NBEA: variants seen among roughly 807,000 people sequenced by gnomAD.
The protein encoded by NBEA is lysosomal-trafficking regulator 2.
A neutral mutation model predicts 343.4 loss-of-function variants in NBEA; 44 were observed. The ratio of observed to expected loss-of-function variants is 0.13; its 90% confidence interval spans 0.10 to 0.16. The LOEUF (loss-of-function observed/expected upper bound fraction) is 0.16, where lower values mean the gene tolerates loss of function less well. Among genes scored for constraint, NBEA ranks in the 10% least tolerant of loss-of-function variants. The pLI, the probability that NBEA is intolerant of heterozygous loss-of-function variation, is 1.00. For missense variants in NBEA, 2,555 were observed against 3,631.3 expected, an observed-to-expected ratio of 0.70 and a Z score of 7.62; for synonymous variants, 1,175 against 1,238.7, an observed-to-expected ratio of 0.95 and a Z score of 1.08.
intron 1 of NBEA, among the ~76,000 whole-genome samples, chr13:35,009,627 C>A (rs1022114802): frequency 1.3e-5 from 2 of 152,080 alleles, no homozygotes; most frequent in African/African-American, 4.8e-5. Context: ...TTTATTAGAA[C>A]AGAGTTGGGA....
intron 38 of NBEA, among the ~76,000 whole-genome samples, chr13:35,357,626 A>G (rs2040564752): frequency 6.6e-6 from 1 of 152,152 alleles, no homozygotes; most frequent in African/African-American, 2.4e-5. Flanking sequence ...AAAGGAAAGG[A>G]TATCATTTTT....
chr13:35,019,912 C>T (rs181865853), intron 1 of NBEA, among the ~76,000 whole-genome samples: 3 of 152,284 alleles, frequency 2.0e-5, no homozygotes, highest in Non-Finnish European at 4.4e-5. Context: ...GCCGCTCCAG[C>T]TGTCCCACAC....
intron 34 of NBEA, among the ~76,000 whole-genome samples, chr13:35,280,695 G>C (rs545940766): frequency 6.6e-6 from 1 of 151,954 alleles, no homozygotes; most frequent in African/African-American, 2.4e-5. Flanking sequence ...CTGGCCTATG[G>C]TAAGTATGCA....
At chr13:34,949,747 C>A (rs2059293813) in intron 1 of NBEA, among the ~76,000 whole-genome samples, 1 of 151,964 alleles carries the variant, frequency 6.6e-6, no homozygotes, top group Non-Finnish European at 1.5e-5. Context: ...TAGTTAAATT[C>A]ATTATATAGC....
intron 33 of NBEA, among the ~76,000 whole-genome samples, chr13:35,216,966 A>G (rs2074098565): frequency 6.6e-6 from 1 of 151,940 alleles, no homozygotes; most frequent in African/African-American, 2.4e-5. Context: ...TTTATAAGAA[A>G]CTGCAAAACT....
chr13:35,096,658 G>T (rs2065346970), intron 10 of NBEA, among the ~76,000 whole-genome samples: 1 of 151,818 alleles, frequency 6.6e-6, no homozygotes, highest in Non-Finnish European at 1.5e-5. Context: ...CACTAACTTT[G>T]GTGTATGTAA....
chr13:35,113,041 C>T (rs1022449944), intron 13 of NBEA, among the ~76,000 whole-genome samples: 4 of 152,178 alleles, frequency 2.6e-5, no homozygotes, highest in East Asian at 3.9e-4. Context: ...TGTTGAGGAT[C>T]GTATGTTGTG....
chr13:34,978,515 C>G (rs893428619), intron 1 of NBEA, among the ~76,000 whole-genome samples: 3 of 152,148 alleles, frequency 2.0e-5, no homozygotes, highest in African/African-American at 2.4e-5. Flanking sequence ...GTGAAAACAT[C>G]TAATATTCTG....
chr13:35,313,265 A>G (rs2037491184), intron 36 of NBEA, among the ~76,000 whole-genome samples: 1 of 152,118 alleles, frequency 6.6e-6, no homozygotes, highest in South Asian at 2.1e-4. Context: ...TAATAACATC[A>G]TCTCAAATGA....
chr13:35,148,750 A>C (rs1411146521), intron 18 of NBEA, among the ~76,000 whole-genome samples: 1 of 152,158 alleles, frequency 6.6e-6, no homozygotes, highest in Non-Finnish European at 1.5e-5. Context: ...GGGAAGGCAA[A>C]CTTTTCTGGT....
At position 35,606,594 on chromosome 13, in the gene NBEA, C is replaced by A. The variant is rs1207367583; in HGVS notation, c.7449+16C>A. 1 of 1,577,384 alleles carries A rather than the reference C, an allele frequency of 6.3e-7. No individual in the cohort carries two copies. Among genetic ancestry groups the A allele is most frequent in the Admixed American group, 1.7e-5 (1 of 57,962 alleles). ...CAACAGGATGGTAAGAGAGATTTTG[C>A]TTTTGCTTGGGCAGTCATCAGGGAG... On this transcript the variant is annotated intron_variant, in intron 48 of 58. Coordinates refer to ENST00000379939, the MANE Select transcript of NBEA (RefSeq NM_001385012.1).
At chr13:35,468,151 A>G (rs2075478661) in intron 40 of NBEA, among the ~76,000 whole-genome samples, 1 of 121,184 alleles carries the variant, frequency 8.3e-6, no homozygotes, top group Non-Finnish European at 1.6e-5. Context: ...TAATCCCTGC[A>G]ATTGAGAAAA....
intron 29 of NBEA, 137 bp from the exon 30 acceptor site, chr13:35,183,837 CTT>C: frequency 1.8e-6 from 1 of 562,900 alleles, no homozygotes; most frequent in East Asian, 3.1e-5. Flanking sequence ...TACATAAACT[CTT>C]TTCTTCAGAG....
intron 40 of NBEA, among the ~76,000 whole-genome samples, chr13:35,456,821 A>G (rs1002394253): frequency 6.6e-6 from 1 of 151,946 alleles, no homozygotes; most frequent in Non-Finnish European, 1.5e-5. Flanking sequence ...GTTCCTTATT[A>G]TTTCTTCCAA....
intron 1 of NBEA, among the ~76,000 whole-genome samples, chr13:35,033,936 C>T (rs1035765850): frequency 2.0e-5 from 3 of 151,392 alleles, no homozygotes; most frequent in African/African-American, 7.3e-5. Flanking sequence ...GTATAAGATT[C>T]TATCATCCGC....
At position 35,550,558 on chromosome 13, in the gene NBEA, C is replaced by T. The variant is rs2079268673; in HGVS notation, c.6667C>T (p.Gln2223Ter). 6.2e-7 allele frequency: 1 copy of T among 1,612,906 alleles called. No homozygotes were observed. Among genetic ancestry groups the T allele is most frequent in the Non-Finnish European group, 8.5e-7 (1 of 1,179,220 alleles). Reference protein sequence around the residue: ...RAVFSRRYLLQNTALEVFMAN... With the variant: ...RAVFSRRYLL ...TGTATTTTCAAGACGTTACCTTCTA[C>T]AAAACACTGCTTTGGAAGTATTTAT... Residue 2223 changes from glutamine (Q) to a stop codon, truncating the protein, a stop_gained, in exon 42 of 59, where the codon CAA becomes TAA. Transcript: ENST00000379939. LOFTEE classifies it high-confidence loss of function.
chr13:35,190,399 A>C (rs929684920), intron 30 of NBEA, among the ~76,000 whole-genome samples: 6 of 152,090 alleles, frequency 3.9e-5, no homozygotes, highest in African/African-American at 1.4e-4. Flanking sequence ...CTTGAGGCCC[A>C]GCACAAGAAG....
intron 35 of NBEA, among the ~76,000 whole-genome samples, chr13:35,298,755 T>G (rs927882897): frequency 6.6e-6 from 1 of 152,026 alleles, no homozygotes; most frequent in Admixed American, 6.5e-5. Flanking sequence ...ACGCCAACTT[T>G]TCCTTGAGTA....
intron 8 of NBEA, among the ~76,000 whole-genome samples, chr13:35,059,596 A>T (rs557237554): frequency 6.6e-6 from 1 of 151,878 alleles, no homozygotes; most frequent in Non-Finnish European, 1.5e-5. Context: ...CTGAAGGAGT[A>T]CTTGTCTTGT....
Sources: allele counts gnomAD v4.1 joint callset (sites outside exome capture counted in the v4.1 genomes callset), GRCh38; gene constraint gnomAD v4.1.1; transcripts MANE v1.5; gene names NCBI Gene and HGNC (gene_info 2026-07-23, HGNC 2026-07-21).